The following RAD52 variants were observed in gnomAD, a reference collection of about 807,000 sequenced individuals.
The protein encoded by RAD52 is RAD52 DNA repair protein, also known as DNA repair protein RAD52 homolog.
In RAD52, 47 loss-of-function variants were observed where a neutral mutation model predicts 55.5. The ratio of observed to expected loss-of-function variants is 0.85; its 90% CI spans 0.67 to 1.08. The LOEUF is 1.08. RAD52 is among the 50% of genes least tolerant of loss of function. The probability of loss-of-function intolerance (pLI) is 0.00; values close to 1 mark genes in which losing one functional copy is unlikely to be tolerated. For missense variants in RAD52, 468 were observed against 522.8 expected (o/e 0.90, Z 1.02); for synonymous variants, 184 against 198.9 (o/e 0.92, Z 0.63).
Position 933,001 on chromosome 12 carries a change from C to T in RAD52, c.58G>A (p.Gly20Ser), listed in dbSNP as rs969982840. 2.5e-6 allele frequency: 4 copies of T among 1,614,054 alleles called. No individual in the cohort carries two copies. Among genetic ancestry groups the T allele is most frequent in the East Asian group, 4.5e-5 (2 of 44,872 alleles). Residue 20 changes from glycine (G) to serine (S), a missense_variant, in exon 2 of 12, where the codon GGC (glycine) becomes AGC (serine). By Grantham distance (56) the Gly-to-Ser change is moderately conservative. Transcript: ENST00000358495. Reference protein sequence around the residue: ...GGRDSHPAAGGGSVLCFGQCQ... With the variant: ...GGRDSHPAAGSGSVLCFGQCQ... ...TGTCCAAAGCATAACACTGAGCCGC[C>T]GCCAGCAGCAGGATGGCTGTCACGT... is the stretch of plus-strand genomic sequence containing the variant.
At chr12:980,616 T>C (rs987938687) in intron 1 of RAD52, among the ~76,000 whole-genome samples, 4 of 151,412 alleles carry the variant, frequency 2.6e-5, no homozygotes, top group African/African-American at 9.7e-5. Flanking sequence ...TTTTTTTTTT[T>C]TCTGAGACAG....
intron 7 of RAD52, among the ~76,000 whole-genome samples, chr12:917,116 T>C (rs1956435467): frequency 1.3e-5 from 2 of 152,240 alleles, no homozygotes; most frequent in South Asian, 4.1e-4. Context: ...CCTTGTCCTT[T>C]TTCCACGGAA....
At chr12:940,242 A>C (rs947366793) in intron 1 of RAD52, among the ~76,000 whole-genome samples, 4 of 152,088 alleles carry the variant, frequency 2.6e-5, no homozygotes, top group Non-Finnish European at 5.9e-5. Context: ...ACACATGCAG[A>C]ACTTGATGAG....
chr12:958,436 G>A (rs940096853), intron 1 of RAD52, among the ~76,000 whole-genome samples: 1 of 152,048 alleles, frequency 6.6e-6, no homozygotes, highest in Admixed American at 6.6e-5. Flanking sequence ...GGCTGGTCTC[G>A]AACTCCTGAC....
At chr12:978,912 A>AGATAGATG (rs1265812333) in intron 1 of RAD52, among the ~76,000 whole-genome samples, 3 of 151,796 alleles carry the variant, frequency 2.0e-5, no homozygotes, top group Non-Finnish European at 4.4e-5. Context: ...ATAGATAGAT[A>AGATAGATG]GATAGACAGA....
At chr12:988,734 A>G (rs1959122708) in intron 1 of RAD52, among the ~76,000 whole-genome samples, 1 of 152,192 alleles carries the variant, frequency 6.6e-6, no homozygotes, top group African/African-American at 2.4e-5. Context: ...CCACTCTCCA[A>G]GGAACAAATC....
chr12:915,752 CTG>C (rs1361812024), intron 9 of RAD52, among the ~76,000 whole-genome samples: 1 of 151,752 alleles, frequency 6.6e-6, no homozygotes, highest in African/African-American at 2.4e-5. Flanking sequence ...GGGTCTCACT[CTG>C]TTGCCCAGGC....
chr12:984,668 C>CT (rs762015138), intron 1 of RAD52, among the ~76,000 whole-genome samples: 2,052 of 144,050 alleles, frequency 0.014, 17 homozygotes, highest in Non-Finnish European at 0.016. Context: ...ATACAAAAGA[C>CT]TTTTTTTTTT....
At chr12:966,996 G>A (rs1269196693) in intron 1 of RAD52, among the ~76,000 whole-genome samples, 1 of 151,988 alleles carries the variant, frequency 6.6e-6, no homozygotes, top group Admixed American at 6.6e-5. Context: ...TTCTGTGTGG[G>A]TGGAATGTGT....
At chr12:982,971 T>C (rs941381758) in intron 1 of RAD52, among the ~76,000 whole-genome samples, 5 of 152,080 alleles carry the variant, frequency 3.3e-5, no homozygotes, top group Non-Finnish European at 7.4e-5. Flanking sequence ...TGCCTCAGCC[T>C]CCCCAGTAGT....
At position 931,298 on chromosome 12, in the gene RAD52, G is replaced by C. The variant is rs1186476476; in HGVS notation, c.108C>G (p.Tyr36Ter). Reference sequence around the variant, plus strand: ...GCCTCAGGGCCTTCTGGATGGCCTGGTACTCTTCTGCTGTGTACTGGCACT... The same window carrying C: ...GCCTCAGGGCCTTCTGGATGGCCTGCTACTCTTCTGCTGTGTACTGGCACT... The part of the protein sequence containing the change: ...FGQCQYTAEE[Y>*]QAIQKALRQR... Residue 36 changes from tyrosine to a stop codon, truncating the protein, a stop_gained, in exon 3 of 12, where the codon TAC (tyrosine) becomes TAG (stop). Coordinates refer to ENST00000358495, the MANE Select transcript of RAD52 (RefSeq NM_134424.4). LOFTEE classifies it high-confidence loss of function. The C allele has an allele frequency of 6.2e-7, 1 of 1,610,436 alleles. No homozygotes were observed. The highest frequency in any genetic ancestry group is 1.7e-5 in the Admixed American group (1 of 59,326).
At position 913,366 on chromosome 12, in the gene RAD52, T is replaced by C; in HGVS notation, c.*25A>G. ...TTTCCAAAGTCCCTTTGTGACAGAG[T>C]CCAATTATGTGGCCTGAGCCTCAGT... is the stretch of plus-strand genomic sequence containing the variant. On this transcript the variant is annotated 3_prime_UTR_variant, in exon 12 of 12. Coordinates refer to ENST00000358495, the MANE Select transcript of RAD52 (RefSeq NM_134424.4). The C allele has an allele frequency of 6.4e-7, 1 of 1,556,382 alleles. No homozygotes were observed. Among genetic ancestry groups the C allele is most frequent in the Non-Finnish European group, 8.8e-7 (1 of 1,134,118 alleles).
intron 1 of RAD52, among the ~76,000 whole-genome samples, chr12:942,476 C>G (rs182280826): frequency 6.6e-6 from 1 of 152,150 alleles, no homozygotes; most frequent in African/African-American, 2.4e-5. Context: ...AGGCCGGGCA[C>G]GGTGGCTCAC....
chr12:981,630 G>A (rs1463400732), intron 1 of RAD52, among the ~76,000 whole-genome samples: 3 of 151,778 alleles, frequency 2.0e-5, no homozygotes, highest in Non-Finnish European at 2.9e-5. Flanking sequence ...GGTGGTGCGC[G>A]CCTGTAATCC....
chr12:936,291 A>G (rs1957625262), intron 1 of RAD52, among the ~76,000 whole-genome samples: 1 of 152,076 alleles, frequency 6.6e-6, no homozygotes, highest in Non-Finnish European at 1.5e-5. Context: ...GCAATGGAGC[A>G]AGACTCTTTC....
rs567791888 is a variant in RAD52, at chr12:916,633, G to C, written c.725+6C>G. ...CAGAGGAAAGGAGGGGACTTAGGCC[G>C]CATACCGGGAGCTGCAGTCCTGGTC... On this transcript the variant is annotated splice_donor_region_variant and intron_variant, in intron 8 of 11. Coordinates refer to ENST00000358495, the MANE Select transcript of RAD52 (RefSeq NM_134424.4). 3.1e-6 allele frequency: 5 copies of C among 1,610,616 alleles called. No individual in the cohort carries two copies. In the African/African-American group the frequency reaches 5.3e-5, roughly 17 times the overall value.
At chr12:964,605 T>C (rs1453536705) in intron 1 of RAD52, among the ~76,000 whole-genome samples, 1 of 151,794 alleles carries the variant, frequency 6.6e-6, no homozygotes. Flanking sequence ...TGACAGACAA[T>C]AGCGGCTCTG....
intron 1 of RAD52, among the ~76,000 whole-genome samples, chr12:941,032 G>A (rs754508862): frequency 3.3e-5 from 5 of 152,048 alleles, no homozygotes; most frequent in African/African-American, 1.2e-4. Context: ...CAAATTGGCC[G>A]ACAGACATAA....
At chr12:926,547 CTCCT>C (rs1451356267) in intron 6 of RAD52, among the ~76,000 whole-genome samples, 1 of 151,950 alleles carries the variant, frequency 6.6e-6, no homozygotes, top group Non-Finnish European at 1.5e-5. Context: ...AAGCCTGGGA[CTCCT>C]TCCTTCTCTC....
Sources: gnomAD v4.1 joint callset for allele counts (sites outside exome capture counted in the v4.1 genomes callset) on GRCh38, gnomAD v4.1.1 for gene constraint, MANE v1.5 for transcripts, NCBI Gene and HGNC (gene_info 2026-07-23, HGNC 2026-07-21) for gene names.